UPF2: variants seen among roughly 807,000 people sequenced by gnomAD.
UPF2 encodes regulator of nonsense transcripts 2.
UPF2 carries 17 observed loss-of-function variants against 141.4 expected under a neutral mutation model. The ratio of observed to expected loss-of-function variants is 0.12; its 90% confidence interval spans 0.08 to 0.18. The LOEUF (loss-of-function observed/expected upper bound fraction) is 0.18. UPF2 is among the 10% of genes least tolerant of loss of function. The probability of loss-of-function intolerance (pLI) is 1.00; values close to 1 mark genes in which losing one functional copy is unlikely to be tolerated. For missense variants in UPF2, 1,152 were observed against 1,515.9 expected, an observed-to-expected ratio of 0.76 and a Z score of 3.99; for synonymous variants, 540 against 498.0, an observed-to-expected ratio of 1.08 and a Z score of -1.12.
At chr10:12,021,010 T>G (rs570605371) in intron 3 of UPF2, among the ~76,000 whole-genome samples, 2 of 152,320 alleles carry the variant, frequency 1.3e-5, no homozygotes, top group East Asian at 3.9e-4. Context: ...TTTGACTTGG[T>G]AAATATTGAG....
intron 4 of UPF2, among the ~76,000 whole-genome samples, chr10:12,010,537 G>C (rs1834109347): frequency 6.6e-6 from 1 of 152,086 alleles, no homozygotes; most frequent in Non-Finnish European, 1.5e-5. Context: ...TATCCAAAAG[G>C]AAAGGCAGGA....
chr10:12,005,862 C>T (rs900298159), intron 4 of UPF2, among the ~76,000 whole-genome samples: 57 of 151,256 alleles, frequency 3.8e-4, no homozygotes, highest in Middle Eastern at 6.8e-3. Context: ...TGAGCCACCA[C>T]GCCCAGCGTT....
chr10:11,944,842 A>C (rs955270898), intron 16 of UPF2, among the ~76,000 whole-genome samples: 3 of 152,220 alleles, frequency 2.0e-5, no homozygotes, highest in Non-Finnish European at 2.9e-5. Flanking sequence ...TCATCAATGG[A>C]CCACAAAACC....
chr10:11,926,683 A>T (rs1832717039), intron 21 of UPF2, among the ~76,000 whole-genome samples: 1 of 150,234 alleles, frequency 6.7e-6, no homozygotes, highest in Admixed American at 6.7e-5. Flanking sequence ...AGACCTAGGG[A>T]CTGAGAAGGT....
chr10:11,970,379 C>T (rs1187794674), intron 9 of UPF2, among the ~76,000 whole-genome samples: 4 of 151,282 alleles, frequency 2.6e-5, no homozygotes, highest in Non-Finnish European at 5.9e-5. Flanking sequence ...AAAACAACCA[C>T]CAAAATGTTA....
chr10:12,008,629 CAAAA>C (rs60750390), intron 4 of UPF2, among the ~76,000 whole-genome samples: 188 of 74,948 alleles, frequency 2.5e-3, no homozygotes, highest in African/African-American at 9.3e-3. Context: ...GACACCACCT[CAAAA>C]AAAAAAAAAA....
intron 10 of UPF2, among the ~76,000 whole-genome samples, chr10:11,966,335 T>G (rs577717775): frequency 7.2e-5 from 11 of 152,364 alleles, no homozygotes; most frequent in Admixed American, 5.2e-4. Context: ...TTATATATTT[T>G]GAAGCCATGT....
intron 1 of UPF2, among the ~76,000 whole-genome samples, chr10:12,040,825 AC>A (rs1420718506): frequency 6.6e-6 from 1 of 152,238 alleles, no homozygotes; most frequent in African/African-American, 2.4e-5. Flanking sequence ...TAGCATAGTA[AC>A]TAGCATGAGG....
rs746117868 is a variant in UPF2 at position 11,985,884 on chromosome 10, C to CT, written c.1845-6720dup. On this transcript the variant is annotated intron_variant, in intron 8 of 21. Coordinates refer to ENST00000357604, the MANE Select transcript of UPF2 (RefSeq NM_015542.4). ...CAACTGAAAAATAATTAGATCCTTC[C>CT]TTTTTTTTTTTTTTTTGTGAGACGG... 1.6e-3 allele frequency among the ~76,000 whole-genome samples: 163 copies of CT among 100,712 alleles called. 3 individuals carry two copies. Among genetic ancestry groups the CT allele is most frequent in the Non-Finnish European group, 2.1e-3 (118 of 55,764 alleles). The allele number at this position is 100,712 out of a possible 152,430, so 66.1% of individuals were successfully genotyped here. A position where few individuals can be genotyped will look rare whatever the true frequency, so the allele number is the denominator to read the frequency against.
intron 18 of UPF2, 71 bp downstream of exon 18, chr10:11,942,594 A>C: frequency 1.4e-6 from 2 of 1,443,588 alleles, no homozygotes. Flanking sequence ...AGGCCTTCAC[A>C]TGAACCAGAA....
intron 1 of UPF2, among the ~76,000 whole-genome samples, chr10:12,040,381 C>G (rs931130550): frequency 1.3e-5 from 2 of 152,088 alleles, no homozygotes; most frequent in Admixed American, 1.3e-4. Flanking sequence ...AAGATGGCAC[C>G]ACTGCACTCC....
rs1833804232 is a variant in UPF2 at position 11,992,966 on chromosome 10, T to C, written c.1844+4706A>G. Among the ~76,000 whole-genome samples the C allele has an allele frequency of 6.6e-6, 1 of 152,042 alleles. No individual in the cohort carries two copies. Among genetic ancestry groups the C allele is most frequent in the African/African-American group, 2.4e-5 (1 of 41,382 alleles). On this transcript the variant is annotated intron_variant, in intron 8 of 21. Transcript: ENST00000357604. The surrounding 1 kb of genome is among the most constrained non-coding windows in gnomAD (Gnocchi z 4.1). ...GAGTTCAAGACCAGCCTGGTTAATA[T>C]GGTGAAACCCCGTTTCTACTAAAAC...
intron 1 of UPF2, among the ~76,000 whole-genome samples, chr10:12,039,343 C>A (rs1834693119): frequency 6.6e-6 from 1 of 152,080 alleles, no homozygotes. Context: ...TAGCAACCCA[C>A]AGAATTATGA....
chr10:12,005,108 AT>A (rs5783240), intron 4 of UPF2, among the ~76,000 whole-genome samples: 117,147 of 145,484 alleles, frequency 0.81, 47,450 homozygotes, highest in Non-Finnish European at 0.88. Flanking sequence ...CCCCATGAGT[AT>A]TTTTTTTTTT....
At chr10:12,017,722 TCCATAAG>T (rs1164425185) in intron 3 of UPF2, among the ~76,000 whole-genome samples, 1 of 152,226 alleles carries the variant, frequency 6.6e-6, no homozygotes, top group East Asian at 1.9e-4. Context: ...GTTTTATAGC[TCCATAAG>T]CCTTTTACTC....
chr10:11,930,715 A>G lies in UPF2; in HGVS notation c.3689-730T>C, dbSNP rs1832773015. On this transcript the variant is annotated intron_variant, in intron 20 of 21. Transcript: ENST00000357604. Reference sequence around the variant, plus strand: ...AGGATCACTTGAGCCCAGGAGTTTGAGGCTGCAGTGATTGCGCCACTGCAC... The same window carrying G: ...AGGATCACTTGAGCCCAGGAGTTTGGGGCTGCAGTGATTGCGCCACTGCAC... 3.3e-5 allele frequency among the ~76,000 whole-genome samples: 5 copies of G among 152,190 alleles called. No homozygotes were observed. In the South Asian group the frequency reaches 1.0e-3, roughly 31 times the overall value.
At chr10:11,922,836 A>G (rs945764468) in intron 21 of UPF2, among the ~76,000 whole-genome samples, 7 of 152,224 alleles carry the variant, frequency 4.6e-5, no homozygotes, top group South Asian at 2.1e-4. Flanking sequence ...CAAGAGTTCA[A>G]TATCAGCCTG....
chr10:11,965,146 T>A (rs910902720), intron 10 of UPF2, among the ~76,000 whole-genome samples: 1 of 152,182 alleles, frequency 6.6e-6, no homozygotes. Flanking sequence ...GGGACATACA[T>A]CATTGTAGAG....
At chr10:12,032,701 G>A (rs1834547151) in intron 2 of UPF2, among the ~76,000 whole-genome samples, 1 of 149,874 alleles carries the variant, frequency 6.7e-6, no homozygotes. Flanking sequence ...CCAGGCCACT[G>A]CACTCCAGCC....
Sources: gnomAD v4.1 joint callset for allele counts (sites outside exome capture counted in the v4.1 genomes callset) on GRCh38, gnomAD v4.1.1 for gene constraint, Gnocchi (gnomAD v3.1) non-coding constraint, MANE v1.5 for transcripts, NCBI Gene and HGNC (gene_info 2026-07-23, HGNC 2026-07-21) for gene names.